KMO: variants seen among roughly 807,000 people sequenced by gnomAD.
KMO encodes the protein kynurenine 3-hydroxylase.
Under a neutral mutation model 57.8 loss-of-function variants are expected in KMO, and 24 were observed. The ratio of observed to expected loss-of-function variants is 0.42; its 90% CI spans 0.30 to 0.58. The LOEUF (loss-of-function observed/expected upper bound fraction) is 0.58. KMO is among the 20% of genes least tolerant of loss of function. The pLI is 0.22. For synonymous variants in KMO, 210 were observed against 193.6 expected, an observed-to-expected ratio of 1.08 and a Z score of -0.70; for missense variants, 483 against 588.2, an observed-to-expected ratio of 0.82 and a Z score of 1.85.
intron 5 of KMO, among the ~76,000 whole-genome samples, chr1:241,559,194 AT>A (rs1661746915): frequency 6.6e-6 from 1 of 152,066 alleles, no homozygotes; most frequent in Non-Finnish European, 1.5e-5. Flanking sequence ...CATTCTTTTT[AT>A]ATATACTTGT....
chr1:241,567,072 G>A (rs1329045877), intron 9 of KMO, among the ~76,000 whole-genome samples: 3 of 152,222 alleles, frequency 2.0e-5, no homozygotes, highest in Non-Finnish European at 2.9e-5. Context: ...GGGTTGTCAT[G>A]AGGACTAAAT....
At chr1:241,572,433 C>G (rs1447867939) in intron 10 of KMO, among the ~76,000 whole-genome samples, 1 of 151,872 alleles carries the variant, frequency 6.6e-6, no homozygotes, top group Non-Finnish European at 1.5e-5. Flanking sequence ...TCCATTTTGA[C>G]CTCTGATTTT....
rs1009086706 is a variant in KMO, at chr1:241,594,345, G to A, written c.*2192G>A. On this transcript the variant is annotated 3_prime_UTR_variant, in exon 15 of 15. Transcript: ENST00000366559. ...AGGTTCTGTTGATATTACATAGAAC[G>A]GGTATTCCAGACACTTCTTATGATG... 1.4e-6 allele frequency: 2 copies of A among 1,414,898 alleles called. No homozygotes were observed. The highest frequency in any genetic ancestry group is 1.9e-6 in the Non-Finnish European group (2 of 1,028,180). 87.6% of individuals were successfully genotyped at this position (1,414,898 alleles called of 1,614,324 possible).
At chr1:241,533,217 C>T (rs1019839718) in intron 1 of KMO, among the ~76,000 whole-genome samples, 1 of 152,190 alleles carries the variant, frequency 6.6e-6, no homozygotes. Context: ...TGCTTTTTCC[C>T]ATCTCAGCAG....
chr1:241,586,872 T>G, intron 11 of KMO, 136 bp downstream of exon 11: 1 of 641,690 alleles, frequency 1.6e-6, no homozygotes, highest in South Asian at 2.2e-5. Flanking sequence ...ATTTTTCTAC[T>G]AATAGTCTAT....
chr1:241,544,077 T>C (rs959540908), intron 1 of KMO, among the ~76,000 whole-genome samples: 14 of 152,180 alleles, frequency 9.2e-5, no homozygotes, highest in African/African-American at 2.7e-4. Context: ...ATATTGTAGC[T>C]CCTTTACTGT....
intron 7 of KMO, among the ~76,000 whole-genome samples, chr1:241,564,062 G>A (rs1256555114): frequency 1.3e-5 from 2 of 152,014 alleles, no homozygotes; most frequent in African/African-American, 4.8e-5. Context: ...CTGTGTGTTG[G>A]GCTTTCTTTG....
intron 3 of KMO, 36 bp downstream of exon 3, chr1:241,549,810 T>C (rs752398936): frequency 2.4e-6 from 3 of 1,275,658 alleles, no homozygotes; most frequent in Admixed American, 1.8e-5. Flanking sequence ...AGATAATACC[T>C]GGTATTTTTC....
intron 10 of KMO, among the ~76,000 whole-genome samples, chr1:241,577,614 G>A (rs1004238863): frequency 6.6e-6 from 1 of 152,060 alleles, no homozygotes; most frequent in Non-Finnish European, 1.5e-5. Flanking sequence ...TCTCCTATGG[G>A]GTTGGAATGG....
chr1:241,585,591 C>T (rs181787972), intron 10 of KMO, among the ~76,000 whole-genome samples: 20 of 151,998 alleles, frequency 1.3e-4, no homozygotes, highest in African/African-American at 1.4e-4. Flanking sequence ...AATGCCATCT[C>T]TATAAAAATA....
At position 241,532,535 on chromosome 1, in the gene KMO, A is replaced by G; in HGVS notation, c.54+37A>G. 1.4e-6 allele frequency: 2 copies of G among 1,469,830 alleles called. 1 individual carries two copies. Among genetic ancestry groups the G allele is most frequent in the South Asian group, 2.4e-5 (2 of 83,892 alleles). 91.0% of individuals were successfully genotyped at this position (1,469,830 alleles called of 1,614,324 possible). A position where few individuals can be genotyped will look rare whatever the true frequency, so the allele number is the denominator to read the frequency against. On this transcript the variant is annotated intron_variant, in intron 1 of 14. Transcript: ENST00000366559. The stretch of plus-strand genomic sequence containing the variant: ...CAGATGGATTACTATTGTTGGTGGT[A>G]TTATATTAACTATTATTACTCGTAA...
chr1:241,533,987 A>T (rs1258197343), intron 1 of KMO, among the ~76,000 whole-genome samples: 2 of 152,250 alleles, frequency 1.3e-5, no homozygotes, highest in African/African-American at 4.8e-5. Context: ...CAAGGAGCAG[A>T]AAGAAAGGCA....
At chr1:241,555,714 T>A in intron 5 of KMO, 54 bp downstream of exon 5, 1 of 1,028,006 alleles carries the variant, frequency 9.7e-7, no homozygotes, top group Non-Finnish European at 1.5e-6. Context: ...CACATGACAC[T>A]AATCTTGTCA....
chr1:241,562,721 C>G (rs1661896355), intron 7 of KMO, among the ~76,000 whole-genome samples: 1 of 152,092 alleles, frequency 6.6e-6, no homozygotes, highest in Non-Finnish European at 1.5e-5. Flanking sequence ...CGCCTGTGGT[C>G]CCAGCTACTC....
chr1:241,579,913 T>C (rs1573934526), intron 10 of KMO, among the ~76,000 whole-genome samples: 1 of 152,178 alleles, frequency 6.6e-6, no homozygotes, highest in East Asian at 1.9e-4. Flanking sequence ...GAATCAGGAA[T>C]AACCTCCCTT....
rs1389157361 is a variant in KMO at position 241,588,809 on chromosome 1, A to G, written c.1077A>G (p.Leu359=). The G allele has an allele frequency of 2.5e-6, 4 of 1,613,012 alleles. No homozygotes were observed. In the South Asian group the frequency reaches 4.4e-5, roughly 18 times the overall value. The change falls in exon 12 of 15, where the codon CTA becomes CTG. Residue 359 remains leucine (L), a synonymous_variant. Coordinates refer to ENST00000366559, the MANE Select transcript of KMO (RefSeq NM_003679.5). ...RIPDDHAISD[L]SMYNYIEMRA... ...CAGATGATCACGCGATTTCAGACCT[A>G]TCCATGTACAATTACATAGAGGTGA...
In KMO at chr1:241,594,484, C is replaced by T. The variant is rs755184210; in HGVS notation, c.*2331C>T. 7.4e-6 allele frequency: 12 copies of T among 1,614,062 alleles called. No individual in the cohort carries two copies. Among genetic ancestry groups the T allele is most frequent in the Middle Eastern group, 1.7e-4 (1 of 6,060 alleles). ...TTGGACCCATTGGTTTTGTCGCTGT[C>T]GTCAACTGACAGTGATTCATCACTG... On this transcript the variant is annotated 3_prime_UTR_variant, in exon 15 of 15. Coordinates refer to ENST00000366559, the MANE Select transcript of KMO (RefSeq NM_003679.5).
In KMO at chr1:241,594,780, TA is replaced by T. The variant is rs1324944382; in HGVS notation, c.*2629del. ...TCGAGGAAATCAGTTGAGCTGAATT[TA>T]AGTTGTTTTTTGTTTGTTAGCAGGT... is the stretch of plus-strand genomic sequence containing the variant. On this transcript the variant is annotated 3_prime_UTR_variant, in exon 15 of 15. Coordinates refer to ENST00000366559, the MANE Select transcript of KMO (RefSeq NM_003679.5). 2 of 1,487,752 alleles carry T rather than the reference TA, an allele frequency of 1.3e-6. No individual in the cohort carries two copies. Among genetic ancestry groups the T allele is most frequent in the Non-Finnish European group, 1.8e-6 (2 of 1,099,876 alleles). 92.2% of individuals were successfully genotyped at this position (1,487,752 alleles called of 1,614,324 possible). A position where few individuals can be genotyped will look rare whatever the true frequency, so the allele number is the denominator to read the frequency against.
At chr1:241,572,542 G>T (rs904808599) in intron 10 of KMO, among the ~76,000 whole-genome samples, 5 of 151,508 alleles carry the variant, frequency 3.3e-5, no homozygotes, top group African/African-American at 4.8e-5. Context: ...TTGATCTTTT[G>T]TATTATATTT....
Sources: allele counts gnomAD v4.1 joint callset (sites outside exome capture counted in the v4.1 genomes callset), GRCh38; gene constraint gnomAD v4.1.1; transcripts MANE v1.5; gene names NCBI Gene and HGNC (gene_info 2026-07-23, HGNC 2026-07-21).